L2HGDH: variants seen among roughly 807,000 people sequenced by gnomAD.
L2HGDH encodes the protein L-2-hydroxyglutarate dehydrogenase, mitochondrial.
L2HGDH carries 34 observed loss-of-function variants against 51.5 expected under a neutral mutation model. The observed-to-expected ratio is 0.66, with a 90% CI of 0.50 to 0.88. The LOEUF (loss-of-function observed/expected upper bound fraction) is 0.88, where lower values mean the gene tolerates loss of function less well. L2HGDH is among the 40% of genes least tolerant of loss of function. The pLI, the probability that L2HGDH is intolerant of heterozygous loss-of-function variation, is 0.00. For synonymous variants in L2HGDH, 198 were observed against 197.9 expected (o/e 1.00, Z -0.01); for missense variants, 558 against 571.9 (o/e 0.98, Z 0.25).
intron 9 of L2HGDH, among the ~76,000 whole-genome samples, chr14:50,259,787 C>T (rs979008591): frequency 6.6e-6 from 1 of 151,740 alleles, no homozygotes; most frequent in Non-Finnish European, 1.5e-5. Context: ...TGAGCTGAGA[C>T]TGCGCCACTG....
chr14:50,261,778 C>T (rs1889041236), intron 9 of L2HGDH, among the ~76,000 whole-genome samples: 2 of 152,326 alleles, frequency 1.3e-5, no homozygotes, highest in South Asian at 2.1e-4. Flanking sequence ...GCCACTGTGC[C>T]TGGCCTAGAG....
intron 9 of L2HGDH, among the ~76,000 whole-genome samples, chr14:50,256,780 T>G (rs2139946272): frequency 6.6e-6 from 1 of 152,248 alleles, no homozygotes; most frequent in South Asian, 2.1e-4. Context: ...TTAGTTTTAT[T>G]TACTCAGATG....
In L2HGDH at chr14:50,247,967, G is replaced by C. The variant is rs74902980; in HGVS notation, c.1197-714C>G. On this transcript the variant is annotated intron_variant, in intron 9 of 9. Transcript: ENST00000267436. ...ACACAACCTCGCCTGGCTAATTAAA[G>C]AAAATTTTTTTTTGTAGAGACAAGG... Among the ~76,000 whole-genome samples the C allele has an allele frequency of 7.9e-5, 12 of 151,938 alleles. No homozygotes were observed. In the East Asian group the frequency reaches 2.3e-3, roughly 29 times the overall value.
chr14:50,312,192 A>T lies in L2HGDH; in HGVS notation c.-42T>A, dbSNP rs1483370927. 6.2e-6 allele frequency: 10 copies of T among 1,604,806 alleles called. No individual in the cohort carries two copies. Among genetic ancestry groups the T allele is most frequent in the Non-Finnish European group, 8.5e-6 (10 of 1,178,378 alleles). ...CCTCCCTCAGCGCTCAGAAGAAGCC[A>T]CTTGACCCTCCACGGCCGAGGACCC... On this transcript the variant is annotated 5_prime_UTR_variant, in exon 1 of 10. Transcript: ENST00000267436.
chr14:50,310,928 T>C (rs1223881583), intron 1 of L2HGDH, among the ~76,000 whole-genome samples: 1 of 143,404 alleles, frequency 7.0e-6, no homozygotes, highest in Non-Finnish European at 1.5e-5. Context: ...CTTTTTTTCT[T>C]TTCTTTTCTT....
At chr14:50,252,890 C>T (rs1037717084) in intron 9 of L2HGDH, among the ~76,000 whole-genome samples, 3 of 151,926 alleles carry the variant, frequency 2.0e-5, no homozygotes, top group South Asian at 2.1e-4. Flanking sequence ...GGCAGAACCT[C>T]GACAAAGAAA....
chr14:50,245,818 A>G lies in L2HGDH; in HGVS notation c.*1240T>C, dbSNP rs558355687. On this transcript the variant is annotated 3_prime_UTR_variant, in exon 10 of 10. Coordinates refer to ENST00000267436, the MANE Select transcript of L2HGDH (RefSeq NM_024884.3). ...AGGTCATGGTTGGTAAGGACAGGTC[A>G]TTAACAAAGTCAGGGATTCAGGGCT... 1.1e-5 allele frequency: 11 copies of G among 985,418 alleles called. No homozygotes were observed. The highest frequency in any genetic ancestry group is 8.4e-6 in the Non-Finnish European group (7 of 829,916). 61.0% of individuals were successfully genotyped at this position (985,418 alleles called of 1,614,324 possible).
At chr14:50,300,377 C>T (rs1303203766) in intron 3 of L2HGDH, among the ~76,000 whole-genome samples, 1 of 152,130 alleles carries the variant, frequency 6.6e-6, no homozygotes, top group Admixed American at 6.5e-5. Flanking sequence ...TCACTGCAAC[C>T]TCTGCCTCCC....
At chr14:50,290,706 C>G (rs867131745) in intron 4 of L2HGDH, among the ~76,000 whole-genome samples, 1 of 152,006 alleles carries the variant, frequency 6.6e-6, no homozygotes, top group East Asian at 2.0e-4. Flanking sequence ...CTCTGTTGCC[C>G]AGGCTTGAGT....
At chr14:50,259,902 A>G (rs574221218) in intron 9 of L2HGDH, among the ~76,000 whole-genome samples, 1 of 143,004 alleles carries the variant, frequency 7.0e-6, no homozygotes, top group Admixed American at 7.0e-5. Flanking sequence ...TGGTCAAATT[A>G]TCTGATTTTT....
intron 6 of L2HGDH, among the ~76,000 whole-genome samples, chr14:50,273,792 AAAG>A (rs1370792827): frequency 6.6e-6 from 1 of 152,242 alleles, no homozygotes; most frequent in Non-Finnish European, 1.5e-5. Flanking sequence ...AAAAATGAGC[AAAG>A]AAAGGCCGGG....
At chr14:50,289,371 C>T (rs12882050) in intron 4 of L2HGDH, among the ~76,000 whole-genome samples, 86,796 of 151,994 alleles carry the variant, frequency 0.57, 24,783 homozygotes, top group East Asian at 0.66. Flanking sequence ...ATACACATAA[C>T]TAAATATTCT....
intron 5 of L2HGDH, 50 bp from the exon 6 acceptor site, chr14:50,278,604 T>C: frequency 1.1e-6 from 1 of 935,176 alleles, no homozygotes; most frequent in Non-Finnish European, 1.7e-6. Context: ...AAGGCCAACA[T>C]TATTTGAAAT....
chr14:50,302,594 A>C (rs888779780), intron 2 of L2HGDH, among the ~76,000 whole-genome samples: 1 of 152,216 alleles, frequency 6.6e-6, no homozygotes, highest in Non-Finnish European at 1.5e-5. Context: ...CTCCGGTGGA[A>C]TCAAGCTCAC....
intron 6 of L2HGDH, among the ~76,000 whole-genome samples, chr14:50,276,289 A>G (rs923731232): frequency 5.3e-5 from 8 of 152,236 alleles, no homozygotes; most frequent in African/African-American, 1.9e-4. Flanking sequence ...GGCAAAGAGA[A>G]TATGAAATGC....
intron 9 of L2HGDH, among the ~76,000 whole-genome samples, chr14:50,259,366 G>GGTTTTTTTTTTT (rs759718499): frequency 7.7e-6 from 1 of 130,696 alleles, no homozygotes; most frequent in African/African-American, 2.9e-5. Flanking sequence ...TTCTTTTTCG[G>GGTTTTTTTTTTT]TTTTTTTTTT....
At chr14:50,311,622 TATAA>T (rs919565578) in intron 1 of L2HGDH, among the ~76,000 whole-genome samples, 1 of 152,204 alleles carries the variant, frequency 6.6e-6, no homozygotes, top group African/African-American at 2.4e-5. Flanking sequence ...GACTCCAGCT[TATAA>T]AGAGCATATT....
chr14:50,296,517 C>T (rs535145176), intron 3 of L2HGDH, among the ~76,000 whole-genome samples: 11 of 145,282 alleles, frequency 7.6e-5, no homozygotes, highest in East Asian at 4.1e-4. Context: ...TAGAAAGACA[C>T]AAACTTCTGA....
chr14:50,248,645 G>A (rs1020616726), intron 9 of L2HGDH, among the ~76,000 whole-genome samples: 3 of 152,202 alleles, frequency 2.0e-5, no homozygotes, highest in African/African-American at 7.2e-5. Context: ...ATAAAGATAA[G>A]TGATCTTCCC....
Sources: allele counts gnomAD v4.1 joint callset (sites outside exome capture counted in the v4.1 genomes callset), GRCh38; gene constraint gnomAD v4.1.1; transcripts MANE v1.5; gene names NCBI Gene and HGNC (gene_info 2026-07-23, HGNC 2026-07-21).